CDC42BPA: variants seen among roughly 807,000 people sequenced by gnomAD.
CDC42BPA encodes CDC42 binding protein kinase alpha, also known as serine/threonine-protein kinase MRCK alpha.
Under a neutral mutation model 223.5 loss-of-function variants are expected in CDC42BPA, and 80 were observed. That is an observed-to-expected ratio of 0.36 (90% CI 0.30 to 0.43). CDC42BPA has a LOEUF of 0.43. Among genes scored for constraint, CDC42BPA ranks in the 20% least tolerant of loss-of-function variants. CDC42BPA has a pLI of 1.00. For missense variants in CDC42BPA, 1,743 were observed against 2,099.9 expected (o/e 0.83, Z 3.32); for synonymous variants, 694 against 718.6 (o/e 0.97, Z 0.55).
intron 20 of CDC42BPA, among the ~76,000 whole-genome samples, chr1:227,070,301 A>G (rs1678005965): frequency 6.6e-6 from 1 of 151,892 alleles, no homozygotes; most frequent in African/African-American, 2.4e-5. Context: ...GATGAAACAA[A>G]TACACTTAAT....
intron 1 of CDC42BPA, among the ~76,000 whole-genome samples, chr1:227,261,366 T>C (rs561290857): frequency 1.3e-5 from 2 of 150,936 alleles, no homozygotes; most frequent in East Asian, 3.9e-4. Context: ...TCTGCCTGCC[T>C]TGGCCTCCCA....
chr1:227,087,131 A>C (rs549459926), intron 16 of CDC42BPA, among the ~76,000 whole-genome samples: 45 of 152,176 alleles, frequency 3.0e-4, no homozygotes, highest in African/African-American at 1.0e-3. Flanking sequence ...CTGTGCTTTT[A>C]ATGTCATTAT....
chr1:227,308,021 GA>G (rs1358980066), intron 1 of CDC42BPA, among the ~76,000 whole-genome samples: 1 of 152,066 alleles, frequency 6.6e-6, no homozygotes, highest in Non-Finnish European at 1.5e-5. Flanking sequence ...TATCCTGTAA[GA>G]TTTTTTTGCA....
intron 9 of CDC42BPA, among the ~76,000 whole-genome samples, chr1:227,141,343 A>C (rs73102930): frequency 0.15 from 23,490 of 152,178 alleles, 2,197 homozygotes; most frequent in African/African-American, 0.25. Flanking sequence ...TTTTGCATTA[A>C]GATGGAGAAC....
At chr1:227,198,759 GTT>G (rs5781469) in intron 4 of CDC42BPA, among the ~76,000 whole-genome samples, 30 of 144,334 alleles carry the variant, frequency 2.1e-4, no homozygotes, top group Non-Finnish European at 2.7e-4. Flanking sequence ...ATTTAAATGT[GTT>G]TTTTTTTTTT....
chr1:227,025,497 C>T (rs1354960533), intron 31 of CDC42BPA, among the ~76,000 whole-genome samples: 2 of 152,100 alleles, frequency 1.3e-5, no homozygotes, highest in Admixed American at 1.3e-4. Context: ...GAAACTATTG[C>T]TCTTCATTTT....
At chr1:227,200,720 C>T (rs1671611916) in intron 3 of CDC42BPA, among the ~76,000 whole-genome samples, 1 of 152,120 alleles carries the variant, frequency 6.6e-6, no homozygotes, top group African/African-American at 2.4e-5. Context: ...ACTGTATACA[C>T]TTAGAAGTAG....
intron 2 of CDC42BPA, among the ~76,000 whole-genome samples, chr1:227,221,443 T>A (rs755853776): frequency 6.6e-6 from 1 of 152,158 alleles, no homozygotes; most frequent in Non-Finnish European, 1.5e-5. Flanking sequence ...TATACCAAAC[T>A]CACTCAAGTT....
chr1:227,259,752 C>T (rs368634770), intron 1 of CDC42BPA, among the ~76,000 whole-genome samples: 17 of 150,942 alleles, frequency 1.1e-4, no homozygotes, highest in Middle Eastern at 3.4e-3. Flanking sequence ...AAGGACACAC[C>T]AACTTAGAAG....
rs117318548 is a variant in CDC42BPA, at chr1:227,241,429, T to C, written c.270+12635A>G. ...AGCTTTATTTCTAATAGCCAAAAAA[T>C]TGGAAACAAATGTTCATCAATAGGA... On this transcript the variant is annotated intron_variant, in intron 2 of 36. Transcript: ENST00000366766. 2.2e-3 allele frequency among the ~76,000 whole-genome samples: 337 copies of C among 152,064 alleles called. 9 individuals are homozygous for C. The East Asian group carries it at 0.046, about 21-fold the overall frequency.
intron 9 of CDC42BPA, 71 bp from the exon 10 acceptor site, chr1:227,139,813 T>A (rs886247002): frequency 3.3e-5 from 34 of 1,015,316 alleles, no homozygotes; most frequent in South Asian, 6.5e-5. Context: ...TAACATTTTT[T>A]AAAAATTGTT....
intron 1 of CDC42BPA, among the ~76,000 whole-genome samples, chr1:227,303,703 G>C (rs1360651332): frequency 6.6e-6 from 1 of 152,124 alleles, no homozygotes; most frequent in Non-Finnish European, 1.5e-5. Context: ...TTTGGAATCT[G>C]ACTTTCTCAG....
intron 1 of CDC42BPA, among the ~76,000 whole-genome samples, chr1:227,315,830 C>A (rs561901442): frequency 6.6e-6 from 1 of 151,764 alleles, no homozygotes; most frequent in East Asian, 1.9e-4. Flanking sequence ...TTTTTTTAAA[C>A]CTTATGACAT....
intron 1 of CDC42BPA, among the ~76,000 whole-genome samples, chr1:227,297,460 G>A (rs1690840086): frequency 6.6e-6 from 1 of 152,104 alleles, no homozygotes; most frequent in Non-Finnish European, 1.5e-5. Flanking sequence ...GTTAAAAATA[G>A]GGACTCAAAC....
At chr1:227,309,009 C>T (rs1043106451) in intron 1 of CDC42BPA, among the ~76,000 whole-genome samples, 1 of 151,762 alleles carries the variant, frequency 6.6e-6, no homozygotes, top group African/African-American at 2.4e-5. Context: ...ATAATTAGAT[C>T]AGGAGTGGGA....
At chr1:227,088,233 C>T (rs1307302227) in intron 16 of CDC42BPA, among the ~76,000 whole-genome samples, 1 of 152,082 alleles carries the variant, frequency 6.6e-6, no homozygotes, top group South Asian at 2.1e-4. Flanking sequence ...AAGGGTACAC[C>T]TTAGAGAGTT....
chr1:227,183,356 TC>T (rs1668260982), intron 5 of CDC42BPA: 1 of 152,212 alleles, frequency 6.6e-6, no homozygotes, highest in South Asian at 2.1e-4. Context: ...CCATTCATTT[TC>T]CCCAGGCCCT....
At chr1:227,094,123 G>C (rs1045220581) in intron 15 of CDC42BPA, among the ~76,000 whole-genome samples, 3 of 152,134 alleles carry the variant, frequency 2.0e-5, no homozygotes, top group Non-Finnish European at 4.4e-5. Flanking sequence ...AAAGCATTTT[G>C]GCAATTTATA....
At chr1:227,201,643 G>C (rs1237513105) in intron 3 of CDC42BPA, among the ~76,000 whole-genome samples, 1 of 150,126 alleles carries the variant, frequency 6.7e-6, no homozygotes, top group African/African-American at 2.5e-5. Flanking sequence ...CAGAAAATCT[G>C]TGTCTATATA....
Sources: allele counts gnomAD v4.1 joint callset (sites outside exome capture counted in the v4.1 genomes callset), GRCh38; gene constraint gnomAD v4.1.1; transcripts MANE v1.5; gene names NCBI Gene and HGNC (gene_info 2026-07-23, HGNC 2026-07-21).